Variants in SHISA9 observed in about 807,000 individuals in gnomAD.
SHISA9 encodes protein shisa-9.
In SHISA9, 13 loss-of-function variants were observed where a neutral mutation model predicts 38.0. That is an observed-to-expected ratio of 0.34 (90% confidence interval 0.22 to 0.54). The LOEUF (loss-of-function observed/expected upper bound fraction) is 0.54. Ranked by LOEUF, SHISA9 falls within the 20% of genes least tolerant of loss-of-function variation. SHISA9 has a pLI of 0.91. For missense variants in SHISA9, 538 were observed against 575.8 expected (o/e 0.93, Z 0.67); for synonymous variants, 275 against 242.0 (o/e 1.14, Z -1.27).
At chr16:13,008,645 CCCTCCCTCCCTCCCTCCCTT>C (rs1446747707) in intron 2 of SHISA9, among the ~76,000 whole-genome samples, 50 of 56,148 alleles carry the variant, frequency 8.9e-4, no homozygotes, top group African/African-American at 2.9e-3. Context: ...CTCCCTCCCT[CCCTCCCTCCCTCCCTCCCTT>C]CCTCCCTCCC....
At chr16:13,393,769 C>G in the SHISA9 span, among the ~76,000 whole-genome samples, 6 of 152,064 alleles carry the variant, frequency 3.9e-5, no homozygotes, top group African/African-American at 1.4e-4. Flanking sequence ...TGCTTAGGAC[C>G]CTTGAAGGCT....
chr16:12,971,584 A>G (rs1417320556), intron 2 of SHISA9, among the ~76,000 whole-genome samples: 1 of 152,180 alleles, frequency 6.6e-6, no homozygotes, highest in Non-Finnish European at 1.5e-5. Context: ...GCTGTTTTTT[A>G]AACACTTTAT....
chr16:13,019,934 TC>T (rs2072824087), intron 2 of SHISA9, among the ~76,000 whole-genome samples: 4 of 102,084 alleles, frequency 3.9e-5, no homozygotes, highest in Non-Finnish European at 4.3e-5. Flanking sequence ...TTTCTTTCTT[TC>T]TTTCTTTCTT....
At chr16:13,467,934 T>C in the SHISA9 span, among the ~76,000 whole-genome samples, 1 of 152,188 alleles carries the variant, frequency 6.6e-6, no homozygotes, top group Non-Finnish European at 1.5e-5. Context: ...CTCCTGAAAT[T>C]TACCCATTGT....
the SHISA9 span, among the ~76,000 whole-genome samples, chr16:13,424,912 A>T: frequency 6.6e-6 from 1 of 152,192 alleles, no homozygotes; most frequent in Non-Finnish European, 1.5e-5. Flanking sequence ...TGGATGAAGG[A>T]AACTCTTGTC....
At chr16:13,458,394 T>A in the SHISA9 span, 65,161 of 369,714 alleles carry the variant, frequency 0.18, 6,556 homozygotes, top group East Asian at 0.3. Flanking sequence ...AACTTTATGA[T>A]GCTGTAACGA....
chr16:13,213,235 T>C lies in SHISA9; in HGVS notation c.848-18T>C, dbSNP rs775772374. 2.9e-5 allele frequency: 45 copies of C among 1,551,066 alleles called. No homozygotes were observed. Among genetic ancestry groups the C allele is most frequent in the Non-Finnish European group, 3.6e-5 (41 of 1,146,516 alleles). ...CTGCAAACAGATCATCAGCATTTCT[T>C]GATTGTTATTTTTTTAGGAAGTTCT... On this transcript the variant is annotated intron_variant, in intron 3 of 4. Coordinates refer to ENST00000558583, the MANE Select transcript of SHISA9 (RefSeq NM_001145204.3).
At chr16:13,323,820 C>T in the SHISA9 span, among the ~76,000 whole-genome samples, 3 of 152,182 alleles carry the variant, frequency 2.0e-5, no homozygotes, top group Non-Finnish European at 4.4e-5. Context: ...TCACCTCCCA[C>T]CAGGTCTCTC....
rs577495529 is a variant in SHISA9 at position 13,076,093 on chromosome 16, C to T, written c.692-127301C>T. On this transcript the variant is annotated intron_variant, in intron 2 of 4. Coordinates refer to ENST00000558583, the MANE Select transcript of SHISA9 (RefSeq NM_001145204.3). ...TCACCTAGGCTGGAGTGCAGTGGCG[C>T]GATCTTGGCTTGCTGCAACCTCCAC... Among the ~76,000 whole-genome samples the T allele has an allele frequency of 2.4e-4, 36 of 149,802 alleles. No homozygotes were observed. In the South Asian group the frequency reaches 5.9e-3, roughly 25 times the overall value.
At position 13,157,775 on chromosome 16, in the gene SHISA9, C is replaced by T. The variant is rs113749461; in HGVS notation, c.692-45619C>T. Among the ~76,000 whole-genome samples, 1,320 of 152,258 alleles carry T rather than the reference C, an allele frequency of 8.7e-3. 10 individuals carry two copies. Among genetic ancestry groups the T allele is most frequent in the Non-Finnish European group, 0.013 (875 of 68,010 alleles). ...AGGAGGGAGACAACCCTTCTGCCAG[C>T]CCCCAATCCGGAGGCATTCATTCAT... On this transcript the variant is annotated intron_variant, in intron 2 of 4. Transcript: ENST00000558583.
chr16:12,912,092 T>G (rs1319081932), intron 1 of SHISA9, among the ~76,000 whole-genome samples: 1 of 152,212 alleles, frequency 6.6e-6, no homozygotes, highest in Non-Finnish European at 1.5e-5. Context: ...ATGGGCCTTC[T>G]GGGAGTGGGT....
intron 2 of SHISA9, among the ~76,000 whole-genome samples, chr16:13,172,544 C>A (rs576584534): frequency 1.3e-5 from 2 of 152,316 alleles, no homozygotes; most frequent in Non-Finnish European, 2.9e-5. Flanking sequence ...GTGTCACCAT[C>A]TAGGGCTCCT....
chr16:13,361,189 T>C, the SHISA9 span, among the ~76,000 whole-genome samples: 1 of 152,244 alleles, frequency 6.6e-6, no homozygotes, highest in African/African-American at 2.4e-5. Flanking sequence ...TTTTCTTCTC[T>C]ATCTCTCTGT....
intron 2 of SHISA9, among the ~76,000 whole-genome samples, chr16:13,081,081 A>T (rs2073643275): frequency 6.6e-6 from 1 of 152,234 alleles, no homozygotes; most frequent in African/African-American, 2.4e-5. Context: ...CAACATATGA[A>T]TTCGGAGAGA....
At chr16:13,043,736 C>G (rs1391560923) in intron 2 of SHISA9, among the ~76,000 whole-genome samples, 1 of 151,564 alleles carries the variant, frequency 6.6e-6, no homozygotes, top group Non-Finnish European at 1.5e-5. Flanking sequence ...TTCTGCTGTT[C>G]TCTTTGCCTA....
chr16:13,183,675 A>G (rs954874020), intron 2 of SHISA9, among the ~76,000 whole-genome samples: 15 of 152,218 alleles, frequency 9.9e-5, no homozygotes, highest in Non-Finnish European at 1.5e-5. Flanking sequence ...TAACTCTATT[A>G]GGTTCTTTTT....
the SHISA9 span, among the ~76,000 whole-genome samples, chr16:13,262,104 C>A: frequency 6.6e-6 from 1 of 152,194 alleles, no homozygotes; most frequent in South Asian, 2.1e-4. Flanking sequence ...GAGGTTCAGA[C>A]TGAGAGGAAA....
At chr16:13,562,937 C>T in the SHISA9 span, 1 of 152,184 alleles carries the variant, frequency 6.6e-6, no homozygotes, top group Non-Finnish European at 1.5e-5. Context: ...ACCAATGTTT[C>T]TTAAAACATG....
the SHISA9 span, among the ~76,000 whole-genome samples, chr16:13,251,223 G>A: frequency 3.3e-3 from 496 of 152,250 alleles, 2 homozygotes; most frequent in African/African-American, 0.011. Flanking sequence ...CATACTCAGA[G>A]GAAAAGAGAC....
Sources: gnomAD v4.1 joint callset for allele counts (sites outside exome capture counted in the v4.1 genomes callset) on GRCh38, gnomAD v4.1.1 for gene constraint, MANE v1.5 for transcripts, NCBI Gene and HGNC (gene_info 2026-07-23, HGNC 2026-07-21) for gene names.